GPC6: variants seen among roughly 807,000 people sequenced by gnomAD.
GPC6 encodes the protein glypican 6.
In GPC6, 14 loss-of-function variants were observed where a neutral mutation model predicts 55.2. The ratio of observed to expected loss-of-function variants is 0.25; its 90% CI spans 0.17 to 0.40. GPC6 has a LOEUF of 0.40. Ranked by LOEUF, GPC6 falls within the 10% of genes least tolerant of loss-of-function variation. The pLI, the probability that GPC6 is intolerant of heterozygous loss-of-function variation, is 1.00. For synonymous variants in GPC6, 278 were observed against 259.6 expected, an observed-to-expected ratio of 1.07 and a Z score of -0.68; for missense variants, 641 against 708.5, an observed-to-expected ratio of 0.90 and a Z score of 1.08.
intron 2 of GPC6, among the ~76,000 whole-genome samples, chr13:93,604,845 A>G (rs1211567821): frequency 6.6e-6 from 1 of 152,270 alleles, no homozygotes; most frequent in African/African-American, 2.4e-5. Context: ...ACTTAGTAAA[A>G]GAGTGAGTGA....
At chr13:93,291,885 T>A (rs1878331593) in intron 1 of GPC6, among the ~76,000 whole-genome samples, 1 of 152,148 alleles carries the variant, frequency 6.6e-6, no homozygotes, top group Admixed American at 6.5e-5. Flanking sequence ...GTTCAGCGTT[T>A]GTATATTCAA....
At chr13:93,304,879 G>A (rs966749717) in intron 1 of GPC6, among the ~76,000 whole-genome samples, 7 of 152,160 alleles carry the variant, frequency 4.6e-5, no homozygotes, top group African/African-American at 7.2e-5. Flanking sequence ...GGGAGTCTTT[G>A]TCTATACAAG....
At chr13:93,357,136 T>C in intron 1 of GPC6, among the ~76,000 whole-genome samples, 1 of 152,202 alleles carries the variant, frequency 6.6e-6, no homozygotes, top group East Asian at 1.9e-4. Flanking sequence ...GGTCATTCCA[T>C]TTCCCTCAAG....
intron 1 of GPC6, among the ~76,000 whole-genome samples, chr13:93,253,486 A>C (rs1594054112): frequency 6.6e-6 from 1 of 152,338 alleles, no homozygotes; most frequent in East Asian, 1.9e-4. Context: ...CTTAAGGTAC[A>C]CATAGAGCAT....
chr13:93,937,837 C>T lies in GPC6; in HGVS notation c.712-89892C>T, dbSNP rs559635493. Among the ~76,000 whole-genome samples, 7 of 152,282 alleles carry T rather than the reference C, an allele frequency of 4.6e-5. No individual in the cohort carries two copies. The East Asian group carries it at 1.2e-3, about 25-fold the overall frequency. On this transcript the variant is annotated intron_variant, in intron 3 of 8. Transcript: ENST00000377047. ...CAAGTGATCCTTCTGCCTTGGCCTC[C>T]CAAAGTGCTGGGATTACAGGCATGA...
chr13:93,691,780 A>C (rs1283266522), intron 2 of GPC6, among the ~76,000 whole-genome samples: 1 of 152,046 alleles, frequency 6.6e-6, no homozygotes, highest in Admixed American at 6.6e-5. Flanking sequence ...AATTTAAAAA[A>C]CTTTAAAAAG....
chr13:94,256,936 C>T (rs1010879104), intron 4 of GPC6, among the ~76,000 whole-genome samples: 4 of 152,200 alleles, frequency 2.6e-5, no homozygotes, highest in Non-Finnish European at 5.9e-5. Context: ...AGCGATCTGC[C>T]TTTCATCTGT....
chr13:94,352,470 G>T (rs535365494), intron 6 of GPC6, among the ~76,000 whole-genome samples: 1 of 152,120 alleles, frequency 6.6e-6, no homozygotes, highest in East Asian at 1.9e-4. Flanking sequence ...CACTGTAGGA[G>T]CTCCTAGAGG....
intron 1 of GPC6, 113 bp from the exon 2 acceptor site, chr13:93,545,150 A>C: frequency 1.2e-6 from 1 of 846,730 alleles, no homozygotes; most frequent in Non-Finnish European, 2.0e-6. Flanking sequence ...ATGGCTGGAG[A>C]AGTAGATGGA....
At chr13:93,220,154 A>T in the GPC6 span, among the ~76,000 whole-genome samples, 1 of 152,242 alleles carries the variant, frequency 6.6e-6, no homozygotes, top group Non-Finnish European at 1.5e-5. Flanking sequence ...GGGCCTTTAA[A>T]TCTGTGAAAC....
At chr13:93,398,950 T>C (rs953484378) in intron 1 of GPC6, among the ~76,000 whole-genome samples, 1 of 152,148 alleles carries the variant, frequency 6.6e-6, no homozygotes, top group Non-Finnish European at 1.5e-5. Context: ...CTTCTTTTAG[T>C]GTTTCGCAAA....
At chr13:93,643,429 A>C (rs1208928319) in intron 2 of GPC6, among the ~76,000 whole-genome samples, 1 of 152,132 alleles carries the variant, frequency 6.6e-6, no homozygotes, top group Non-Finnish European at 1.5e-5. Context: ...AGTACAAGGG[A>C]GCCCCCACAG....
intron 4 of GPC6, among the ~76,000 whole-genome samples, chr13:94,274,397 T>C (rs1418308266): frequency 2.0e-5 from 3 of 152,246 alleles, no homozygotes; most frequent in African/African-American, 7.2e-5. Context: ...TTATTCTGGA[T>C]GGCTGTCCCT....
chr13:93,309,689 T>C (rs552344005), intron 1 of GPC6, among the ~76,000 whole-genome samples: 42 of 152,330 alleles, frequency 2.8e-4, no homozygotes, highest in African/African-American at 9.6e-4. Context: ...AGCCATAATT[T>C]TGTTACTTTT....
At chr13:93,653,533 T>C (rs964693081) in intron 2 of GPC6, among the ~76,000 whole-genome samples, 7 of 152,158 alleles carry the variant, frequency 4.6e-5, no homozygotes, top group Admixed American at 4.6e-4. Flanking sequence ...TGAATTTAAA[T>C]TTTAAATTTA....
chr13:93,455,056 GGCAGGGCCGGCCGGCTGCTCCGAGT>G lies in GPC6; in HGVS notation c.161-90198_161-90174del, dbSNP rs1265168267. Among the ~76,000 whole-genome samples, 18 of 152,300 alleles carry G rather than the reference GGCAGGGCCGGCCGGCTGCTCCGAGT, an allele frequency of 1.2e-4. No homozygotes were observed. In the South Asian group the frequency reaches 3.5e-3, roughly 30 times the overall value. ...GCTAAGCCCCTTATTGCCCGGAGCC[GGCAGGGCCGGCCGGCTGCTCCGAGT>G]GCAGGGCCCGCCAAGCCCACGCCCA... On this transcript the variant is annotated intron_variant, in intron 1 of 8. Transcript: ENST00000377047.
intron 4 of GPC6, among the ~76,000 whole-genome samples, chr13:94,090,091 T>C (rs552477732): frequency 7.7e-6 from 1 of 130,054 alleles, no homozygotes; most frequent in South Asian, 2.6e-4. Flanking sequence ...AAGAAAAAGG[T>C]TTAATGGACT....
chr13:94,062,533 G>A (rs1033350419), intron 4 of GPC6, among the ~76,000 whole-genome samples: 4 of 152,056 alleles, frequency 2.6e-5, no homozygotes, highest in Non-Finnish European at 5.9e-5. Flanking sequence ...TTACAGGCAT[G>A]AACCACTGCG....
intron 1 of GPC6, among the ~76,000 whole-genome samples, chr13:93,466,580 T>G (rs887181642): frequency 2.0e-5 from 3 of 152,234 alleles, no homozygotes; most frequent in African/African-American, 7.2e-5. Context: ...ATATTTTGGC[T>G]TTCCAGTGGT....
Sources: allele counts gnomAD v4.1 joint callset (sites outside exome capture counted in the v4.1 genomes callset), GRCh38; gene constraint gnomAD v4.1.1; transcripts MANE v1.5; gene names NCBI Gene and HGNC (gene_info 2026-07-23, HGNC 2026-07-21).